The following ITGAV variants were observed in gnomAD, a reference collection of about 807,000 sequenced individuals.
The protein encoded by ITGAV is integrin alpha-V.
In ITGAV, 76 loss-of-function variants were observed where a neutral mutation model predicts 143.8. The observed-to-expected ratio is 0.53, with a 90% CI of 0.44 to 0.64. The LOEUF is 0.64. Ranked by LOEUF, ITGAV falls within the 30% of genes least tolerant of loss-of-function variation. The pLI is 0.00. For missense variants in ITGAV, 1,193 were observed against 1,274.7 expected, an observed-to-expected ratio of 0.94 and a Z score of 0.98; for synonymous variants, 453 against 446.7, an observed-to-expected ratio of 1.01 and a Z score of -0.18.
Position 186,667,781 on chromosome 2 carries a change from G to T in ITGAV, c.2433+5G>T. ...GTTGTTCAGCACATCTATGAGGTTTGCAGTTGTTAGATTTTACTCAAACCT... is the reference window on the plus strand; with the variant it reads ...GTTGTTCAGCACATCTATGAGGTTTTCAGTTGTTAGATTTTACTCAAACCT... On this transcript the variant is annotated splice_donor_5th_base_variant and intron_variant, in intron 24 of 29. Coordinates refer to ENST00000261023, the MANE Select transcript of ITGAV (RefSeq NM_002210.5). 1 of 1,576,010 alleles carries T rather than the reference G, an allele frequency of 6.3e-7. No homozygotes were observed. Among genetic ancestry groups the T allele is most frequent in the Non-Finnish European group, 8.7e-7 (1 of 1,154,196 alleles).
intron 1 of ITGAV, among the ~76,000 whole-genome samples, chr2:186,600,952 T>A (rs1686885694): frequency 6.7e-6 from 1 of 148,356 alleles, no homozygotes; most frequent in Non-Finnish European, 1.5e-5. Flanking sequence ...AGAGCAAGAC[T>A]CTGTCTCAAA....
intron 12 of ITGAV, among the ~76,000 whole-genome samples, chr2:186,644,107 C>A (rs1274872592): frequency 1.3e-5 from 2 of 152,022 alleles, no homozygotes; most frequent in Non-Finnish European, 2.9e-5. Flanking sequence ...CTGTGCATGG[C>A]TGATTTTTGT....
chr2:186,590,456 G>A lies in ITGAV; in HGVS notation c.118G>A (p.Glu40Lys). The A allele has an allele frequency of 6.2e-7, 1 of 1,612,608 alleles. No homozygotes were observed. Among genetic ancestry groups the A allele is most frequent in the South Asian group, 1.1e-5 (1 of 90,974 alleles). Residue 40 changes from glutamate to lysine, a missense_variant, in exon 1 of 30, where the codon GAG becomes AAG. Transcript: ENST00000261023. The part of the protein sequence containing the change: ...AFNLDVDSPA[E>K]YSGPEGSYFG... ...CAACCTAGACGTGGACAGTCCTGCC[G>A]AGTACTCTGGCCCCGAGGGAAGTTA...
Position 186,627,069 on chromosome 2 carries a change from GC to G in ITGAV, c.523+1483del, listed in dbSNP as rs1280227864. 2.0e-5 allele frequency among the ~76,000 whole-genome samples: 3 copies of G among 152,098 alleles called. 1 individual carries two copies. Among genetic ancestry groups the G allele is most frequent in the Admixed American group, 2.0e-4 (3 of 15,264 alleles). On this transcript the variant is annotated intron_variant, in intron 4 of 29. Coordinates refer to ENST00000261023, the MANE Select transcript of ITGAV (RefSeq NM_002210.5). The stretch of plus-strand genomic sequence containing the variant: ...CAGTACACTCTTATTTTCATTTGAT[GC>G]ATGTGGGAACTGAGGTTCACATAGT...
chr2:186,596,042 A>G (rs1686741268), intron 1 of ITGAV, among the ~76,000 whole-genome samples: 1 of 152,230 alleles, frequency 6.6e-6, no homozygotes, highest in Admixed American at 6.5e-5. Flanking sequence ...CTTCTAGGGA[A>G]TAACTTATTA....
chr2:186,654,022 T>C (rs1435005048), intron 15 of ITGAV, among the ~76,000 whole-genome samples: 1 of 152,094 alleles, frequency 6.6e-6, no homozygotes, highest in Non-Finnish European at 1.5e-5. Context: ...GGTCCTTTTA[T>C]CAATGAGACA....
In ITGAV at chr2:186,600,228, T is replaced by C. The variant is rs375241347; in HGVS notation, c.186-1793T>C. On this transcript the variant is annotated intron_variant, in intron 1 of 29. Coordinates refer to ENST00000261023, the MANE Select transcript of ITGAV (RefSeq NM_002210.5). ...TTCTTTGTAGCTCCTGGAGATTCAA[T>C]TCTTTCTTGCCAGGGTCTTTCTACC... 21 of 1,035,608 alleles carry C rather than the reference T, an allele frequency of 2.0e-5. No homozygotes were observed. The East Asian group carries it at 4.8e-4, about 23-fold the overall frequency. The allele number at this position is 1,035,608 out of a possible 1,614,324, so 64.2% of individuals were successfully genotyped here.
chr2:186,620,904 A>T (rs1036662164), intron 2 of ITGAV, among the ~76,000 whole-genome samples: 1 of 152,216 alleles, frequency 6.6e-6, no homozygotes, highest in African/African-American at 2.4e-5. Flanking sequence ...TTATAAAATG[A>T]TAATTTTAAT....
At chr2:186,669,904 A>G (rs986875505) in intron 26 of ITGAV, 90 bp downstream of exon 26, 2 of 849,804 alleles carry the variant, frequency 2.4e-6, no homozygotes, top group African/African-American at 3.4e-5. Context: ...AAATAACAAC[A>G]GCTGTGCTTG....
intron 5 of ITGAV, 148 bp from the exon 6 acceptor site, chr2:186,633,181 A>G: frequency 2.9e-6 from 1 of 340,662 alleles, no homozygotes; most frequent in Non-Finnish European, 5.2e-6. Flanking sequence ...AAAAAATATA[A>G]TTAACCTGGT....
In ITGAV at chr2:186,602,185, T is replaced by C. The variant is rs759009541; in HGVS notation, c.316+34T>C. ...TGATGCACAATTTTCTTTTCATTGA[T>C]TTCATTTGATTTTTTTTTTGCAATT... is the stretch of plus-strand genomic sequence containing the variant. On this transcript the variant is annotated intron_variant, in intron 2 of 29. Transcript: ENST00000261023. 1.9e-6 allele frequency: 3 copies of C among 1,588,488 alleles called. No homozygotes were observed. The African/African-American group carries it at 4.1e-5, about 22-fold the overall frequency.
chr2:186,618,186 CA>C (rs1483878526), intron 2 of ITGAV, among the ~76,000 whole-genome samples: 2 of 151,988 alleles, frequency 1.3e-5, no homozygotes, highest in African/African-American at 2.4e-5. Context: ...ACTTGGTCTC[CA>C]AAAAAACAAT....
chr2:186,609,690 A>T (rs1232589805), intron 2 of ITGAV, among the ~76,000 whole-genome samples: 1 of 152,096 alleles, frequency 6.6e-6, no homozygotes, highest in Non-Finnish European at 1.5e-5. Flanking sequence ...AAATGAGATG[A>T]AATTCCTTAG....
At chr2:186,637,607 C>A (rs894087477) in intron 8 of ITGAV, among the ~76,000 whole-genome samples, 2 of 152,044 alleles carry the variant, frequency 1.3e-5, no homozygotes, top group Non-Finnish European at 2.9e-5. Flanking sequence ...TAGGTCTGTG[C>A]TGAACTTCCT....
chr2:186,636,350 T>A (rs1219697730), intron 7 of ITGAV, 143 bp downstream of exon 7: 13 of 641,774 alleles, frequency 2.0e-5, no homozygotes, highest in Non-Finnish European at 3.1e-5. Context: ...TTTCAAATTG[T>A]TAATGAGTAC....
chr2:186,625,221 T>A (rs1280922020), intron 3 of ITGAV, among the ~76,000 whole-genome samples: 2 of 151,914 alleles, frequency 1.3e-5, no homozygotes, highest in Non-Finnish European at 2.9e-5. Context: ...AAAAAATTTT[T>A]AAAAATTAGC....
intron 2 of ITGAV, among the ~76,000 whole-genome samples, chr2:186,621,617 G>A (rs962257843): frequency 8.5e-5 from 13 of 152,236 alleles, no homozygotes; most frequent in African/African-American, 2.9e-4. Flanking sequence ...TAATCTAGAA[G>A]TGTTTCCTAC....
At chr2:186,602,577 CT>C (rs898608410) in intron 2 of ITGAV, among the ~76,000 whole-genome samples, 66 of 152,214 alleles carry the variant, frequency 4.3e-4, no homozygotes, top group African/African-American at 1.6e-3. Flanking sequence ...TTAGGCTGTG[CT>C]ATAAAAAGCA....
Position 186,590,410 on chromosome 2 carries a change from G to A in ITGAV, c.72G>A (p.Leu24=). Residue 24 remains leucine (L), a synonymous_variant, in exon 1 of 30, where the codon CTG becomes CTA. Coordinates refer to ENST00000261023, the MANE Select transcript of ITGAV (RefSeq NM_002210.5). ...TCCCGCTTCTTCTCTCGGGACTCCTGCTACCTCTGTGCCGCGCCTTCAACC... is the reference window on the plus strand; with the variant it reads ...TCCCGCTTCTTCTCTCGGGACTCCTACTACCTCTGTGCCGCGCCTTCAACC... ...RGLPLLLSGL[L]LPLCRAFNLD... is the part of the protein sequence containing the mutation. The A allele has an allele frequency of 6.2e-7, 1 of 1,612,396 alleles. No individual in the cohort carries two copies. Among genetic ancestry groups the A allele is most frequent in the African/African-American group, 1.3e-5 (1 of 74,930 alleles).
Sources: gnomAD v4.1 joint callset for allele counts (sites outside exome capture counted in the v4.1 genomes callset) on GRCh38, gnomAD v4.1.1 for gene constraint, MANE v1.5 for transcripts, NCBI Gene and HGNC (gene_info 2026-07-23, HGNC 2026-07-21) for gene names.